TRAPPC3L: variants seen among roughly 807,000 people sequenced by gnomAD.
The protein encoded by TRAPPC3L is trafficking protein particle complex subunit 3L.
Under a neutral mutation model 23.7 loss-of-function variants are expected in TRAPPC3L, and 23 were observed. The ratio of observed to expected loss-of-function variants is 0.97; its 90% CI spans 0.70 to 1.37. The LOEUF (loss-of-function observed/expected upper bound fraction) is 1.37. Among genes scored for constraint, TRAPPC3L ranks in the 40% most tolerant of loss-of-function variants. TRAPPC3L has a pLI of 0.00. For missense variants in TRAPPC3L, 212 were observed against 216.8 expected, an observed-to-expected ratio of 0.98 and a Z score of 0.14; for synonymous variants, 81 against 77.9, an observed-to-expected ratio of 1.04 and a Z score of -0.21.
intron 3 of TRAPPC3L, among the ~76,000 whole-genome samples, chr6:116,536,596 A>G (rs943521612): frequency 1.3e-5 from 2 of 152,142 alleles, no homozygotes; most frequent in South Asian, 2.1e-4. Flanking sequence ...CATCTAGTCA[A>G]TTCTCTTCAA....
chr6:116,508,893 A>T (rs1203122530), intron 3 of TRAPPC3L, among the ~76,000 whole-genome samples: 6 of 152,152 alleles, frequency 3.9e-5, no homozygotes, highest in Admixed American at 3.9e-4. Flanking sequence ...GAGGAAGTCA[A>T]ACTATCTCCA....
chr6:116,537,212 G>A (rs1353280822), intron 3 of TRAPPC3L, among the ~76,000 whole-genome samples: 1 of 152,226 alleles, frequency 6.6e-6, no homozygotes, highest in Non-Finnish European at 1.5e-5. Context: ...AGGAGTGGAA[G>A]TGGATCTTTT....
intron 2 of TRAPPC3L, among the ~76,000 whole-genome samples, chr6:116,542,449 T>C (rs967823175): frequency 7.2e-5 from 11 of 152,162 alleles, no homozygotes; most frequent in Non-Finnish European, 1.6e-4. Context: ...CAATGAACCC[T>C]TTTAAAAAGC....
At chr6:116,518,964 T>C (rs772134645) in intron 3 of TRAPPC3L, 2 of 152,176 alleles carry the variant, frequency 1.3e-5, no homozygotes, top group Non-Finnish European at 2.9e-5. Flanking sequence ...TAACAGTCCT[T>C]TACTCAGGAA....
intron 3 of TRAPPC3L, chr6:116,518,223 G>T (rs1281598319): frequency 2.6e-5 from 4 of 152,132 alleles, no homozygotes; most frequent in African/African-American, 9.7e-5. Flanking sequence ...GGTGTCTGAA[G>T]TTGGGGGAGA....
intron 3 of TRAPPC3L, chr6:116,521,175 A>G (rs1208448876): frequency 6.6e-6 from 1 of 152,078 alleles, no homozygotes; most frequent in East Asian, 1.9e-4. Flanking sequence ...ATATATAACA[A>G]AACATGACAA....
intron 3 of TRAPPC3L, chr6:116,521,828 A>C (rs1296371486): frequency 6.6e-6 from 1 of 152,222 alleles, no homozygotes; most frequent in Non-Finnish European, 1.5e-5. Flanking sequence ...CTCACTTTGA[A>C]TCTGACCTTA....
intron 1 of TRAPPC3L, among the ~76,000 whole-genome samples, chr6:116,545,084 TAATC>T (rs1447602904): frequency 6.6e-6 from 1 of 151,286 alleles, no homozygotes; most frequent in Non-Finnish European, 1.5e-5. Flanking sequence ...GTTTTACACA[TAATC>T]AACTATATAT....
chr6:116,501,810 CA>C (rs1335246559), intron 3 of TRAPPC3L, among the ~76,000 whole-genome samples: 2 of 152,076 alleles, frequency 1.3e-5, no homozygotes, highest in Non-Finnish European at 2.9e-5. Flanking sequence ...AACTAACGAA[CA>C]GAAAGGAATA....
chr6:116,534,164 T>C (rs1333268259), intron 3 of TRAPPC3L, among the ~76,000 whole-genome samples: 5 of 152,202 alleles, frequency 3.3e-5, no homozygotes, highest in Middle Eastern at 3.2e-3. Flanking sequence ...AATAATGTTT[T>C]ATATTCAACC....
chr6:116,515,508 G>A, intron 3 of TRAPPC3L: 2 of 1,301,440 alleles, frequency 1.5e-6, no homozygotes, highest in Admixed American at 2.3e-5. Flanking sequence ...AAAGACTGTG[G>A]TAATAATTTA....
At chr6:116,534,714 A>AT (rs1457326447) in intron 3 of TRAPPC3L, among the ~76,000 whole-genome samples, 6 of 151,274 alleles carry the variant, frequency 4.0e-5, no homozygotes, top group African/African-American at 1.5e-4. Context: ...CATTTCCTTG[A>AT]TTTTTTATTA....
At chr6:116,543,935 CA>C (rs1773614161) in intron 1 of TRAPPC3L, 1 of 1,226,274 alleles carries the variant, frequency 8.2e-7, no homozygotes, top group Admixed American at 2.4e-5. Context: ...TATAGTTCTC[CA>C]AAATATGTCC....
chr6:116,497,543 A>T (rs755928303), intron 4 of TRAPPC3L, among the ~76,000 whole-genome samples: 3 of 152,236 alleles, frequency 2.0e-5, no homozygotes, highest in Non-Finnish European at 2.9e-5. Context: ...GCAGTCACTT[A>T]TGGCTTTGAG....
intron 3 of TRAPPC3L, among the ~76,000 whole-genome samples, chr6:116,513,504 C>T (rs1772164869): frequency 6.6e-6 from 1 of 152,168 alleles, no homozygotes; most frequent in African/African-American, 2.4e-5. Flanking sequence ...ATTGTGTGAG[C>T]TTCTCCTCTC....
intron 3 of TRAPPC3L, among the ~76,000 whole-genome samples, chr6:116,525,266 GA>G (rs1226565298): frequency 6.6e-6 from 1 of 152,158 alleles, no homozygotes; most frequent in Non-Finnish European, 1.5e-5. Flanking sequence ...ATCCTCTTGG[GA>G]ATAGAGGTCT....
At chr6:116,509,859 C>A (rs546155807) in intron 3 of TRAPPC3L, among the ~76,000 whole-genome samples, 1 of 152,172 alleles carries the variant, frequency 6.6e-6, no homozygotes, top group East Asian at 1.9e-4. Flanking sequence ...TTCTGCACAG[C>A]AAAAGAAATA....
At chr6:116,515,713 T>C (rs773523537) in intron 3 of TRAPPC3L, 8 of 1,613,864 alleles carry the variant, frequency 5.0e-6, no homozygotes, top group African/African-American at 1.3e-5. Context: ...GGAAGACATA[T>C]GCACAAAAGG....
At position 116,545,597 on chromosome 6, in the gene TRAPPC3L, G is replaced by C. The variant is rs767118116; in HGVS notation, c.-83C>G. Reference sequence around the variant, plus strand: ...GAGGTGTATCAGTCCATGTCTTTTTGTTTTGTTTTTGTAAGCTCTTCCTCG... The same window carrying C: ...GAGGTGTATCAGTCCATGTCTTTTTCTTTTGTTTTTGTAAGCTCTTCCTCG... On this transcript the variant is annotated 5_prime_UTR_variant, in exon 1 of 5. Coordinates refer to ENST00000368602, the MANE Select transcript of TRAPPC3L (RefSeq NM_001139444.3). The C allele has an allele frequency of 4.5e-6, 6 of 1,325,266 alleles. No homozygotes were observed. The highest frequency in any genetic ancestry group is 6.2e-6 in the Non-Finnish European group (6 of 963,460). 82.1% of individuals were successfully genotyped at this position (1,325,266 alleles called of 1,614,324 possible). A position where few individuals can be genotyped will look rare whatever the true frequency, so the allele number is the denominator to read the frequency against.
Sources: allele counts gnomAD v4.1 joint callset (sites outside exome capture counted in the v4.1 genomes callset), GRCh38; gene constraint gnomAD v4.1.1; transcripts MANE v1.5; gene names NCBI Gene and HGNC (gene_info 2026-07-23, HGNC 2026-07-21).